DYNC2I1: variants seen among roughly 807,000 people sequenced by gnomAD.
The protein encoded by DYNC2I1 is cytoplasmic dynein 2 intermediate chain 1.
In DYNC2I1, 89 loss-of-function variants were observed where a neutral mutation model predicts 133.4. The ratio of observed to expected loss-of-function variants is 0.67; its 90% CI spans 0.56 to 0.80. The LOEUF (loss-of-function observed/expected upper bound fraction) is 0.80. Among genes scored for constraint, DYNC2I1 ranks in the 30% least tolerant of loss-of-function variants. The probability of loss-of-function intolerance (pLI) is 0.00; values close to 1 mark genes in which losing one functional copy is unlikely to be tolerated. For missense variants in DYNC2I1, 1,291 were observed against 1,314.5 expected, an observed-to-expected ratio of 0.98 and a Z score of 0.28; for synonymous variants, 504 against 484.3, an observed-to-expected ratio of 1.04 and a Z score of -0.54.
chr7:158,915,010 C>G (rs1338422415), intron 14 of DYNC2I1, among the ~76,000 whole-genome samples: 1 of 152,240 alleles, frequency 6.6e-6, no homozygotes, highest in Non-Finnish European at 1.5e-5. Flanking sequence ...GCACTTGAGT[C>G]TACTGCAGCA....
At chr7:158,928,835 C>T (rs62476513) in intron 20 of DYNC2I1, among the ~76,000 whole-genome samples, 4 of 152,124 alleles carry the variant, frequency 2.6e-5, no homozygotes, top group Non-Finnish European at 5.9e-5. Context: ...ATGCCCAGAA[C>T]TCTTGTGACC....
chr7:158,886,039 T>C (rs2129480446), intron 6 of DYNC2I1, among the ~76,000 whole-genome samples: 1 of 148,712 alleles, frequency 6.7e-6, no homozygotes, highest in South Asian at 2.1e-4. Flanking sequence ...TTACATATTA[T>C]ATAACATATT....
intron 8 of DYNC2I1, among the ~76,000 whole-genome samples, chr7:158,895,393 A>G (rs1263871937): frequency 3.3e-5 from 5 of 152,222 alleles, no homozygotes; most frequent in East Asian, 1.9e-4. Flanking sequence ...TGTGGAGACT[A>G]TCATTCATTC....
At chr7:158,846,439 A>G in the DYNC2I1 span, among the ~76,000 whole-genome samples, 19,402 of 152,154 alleles carry the variant, frequency 0.13, 1,644 homozygotes, top group East Asian at 0.44. Flanking sequence ...TTCAAGAAAG[A>G]GGGATATTTA....
chr7:158,860,623 CTA>C (rs1192955624), intron 1 of DYNC2I1, among the ~76,000 whole-genome samples: 2 of 152,008 alleles, frequency 1.3e-5, no homozygotes, highest in African/African-American at 2.4e-5. Context: ...ATGTGTATGA[CTA>C]TTAATTTTTA....
intron 2 of DYNC2I1, among the ~76,000 whole-genome samples, chr7:158,870,938 G>A (rs1842820501): frequency 6.6e-6 from 1 of 152,190 alleles, no homozygotes; most frequent in South Asian, 2.1e-4. Flanking sequence ...AGAAATCTAA[G>A]CTTGACTCCA....
chr7:158,944,357 A>G (rs572887909), intron 24 of DYNC2I1, among the ~76,000 whole-genome samples: 9 of 152,258 alleles, frequency 5.9e-5, no homozygotes, highest in African/African-American at 2.2e-4. Flanking sequence ...GTGTTTGCAC[A>G]TCTGCCGTAG....
the DYNC2I1 span, among the ~76,000 whole-genome samples, chr7:158,842,517 C>T: frequency 1.3e-5 from 2 of 152,218 alleles, no homozygotes; most frequent in African/African-American, 4.8e-5. Flanking sequence ...CTGCAGTCTC[C>T]TCATACACTT....
intron 4 of DYNC2I1, among the ~76,000 whole-genome samples, chr7:158,955,555 C>T (rs569861986): frequency 1.1e-4 from 16 of 152,234 alleles, no homozygotes; most frequent in Admixed American, 7.9e-4. Flanking sequence ...AGATTTTGTG[C>T]TAAGAGCCAG....
At chr7:158,858,989 C>G (rs1233590772) in intron 1 of DYNC2I1, among the ~76,000 whole-genome samples, 1 of 87,844 alleles carries the variant, frequency 1.1e-5, no homozygotes, top group African/African-American at 4.6e-5. Context: ...TCCCCTCCCC[C>G]CCTTTCCTTT....
chr7:158,916,688 T>G (rs1467604107), intron 14 of DYNC2I1, among the ~76,000 whole-genome samples: 1 of 73,714 alleles, frequency 1.4e-5, no homozygotes, highest in Non-Finnish European at 3.2e-5. Context: ...TGGTTGAGAT[T>G]AAGGATGATT....
intron 21 of DYNC2I1, among the ~76,000 whole-genome samples, chr7:158,932,916 G>A (rs1302344101): frequency 2.0e-5 from 3 of 152,192 alleles, no homozygotes; most frequent in Non-Finnish European, 4.4e-5. Flanking sequence ...TGGTGACTGG[G>A]CACCACTTGC....
intron 4 of DYNC2I1, among the ~76,000 whole-genome samples, chr7:158,877,063 A>T (rs925388467): frequency 6.6e-5 from 10 of 152,252 alleles, no homozygotes; most frequent in African/African-American, 2.2e-4. Context: ...TAAGTTGTTT[A>T]AACGGAACAC....
chr7:158,883,954 G>A (rs1304118444), intron 5 of DYNC2I1, among the ~76,000 whole-genome samples: 2 of 151,456 alleles, frequency 1.3e-5, no homozygotes, highest in Non-Finnish European at 2.9e-5. Context: ...GTGAGCCACC[G>A]CGCCCGGCCC....
intron 1 of DYNC2I1, among the ~76,000 whole-genome samples, chr7:158,865,803 C>T (rs1725390460): frequency 6.6e-6 from 1 of 152,152 alleles, no homozygotes; most frequent in South Asian, 2.1e-4. Context: ...AAGGCCTTGG[C>T]AGAAGCATGT....
chr7:158,881,984 C>T (rs950312313), intron 5 of DYNC2I1, among the ~76,000 whole-genome samples: 7 of 152,134 alleles, frequency 4.6e-5, no homozygotes, highest in African/African-American at 1.7e-4. Context: ...TGCTTAGTTC[C>T]ACCCAGAAAT....
chr7:158,839,993 T>C, the DYNC2I1 span, among the ~76,000 whole-genome samples: 1 of 150,466 alleles, frequency 6.6e-6, no homozygotes, highest in South Asian at 2.1e-4. Context: ...AAAAAAAAAA[T>C]TTAGTGGATA....
intron 14 of DYNC2I1, among the ~76,000 whole-genome samples, chr7:158,917,207 G>A (rs1321969559): frequency 1.4e-5 from 2 of 143,654 alleles, no homozygotes; most frequent in African/African-American, 2.7e-5. Flanking sequence ...ACGTCGACAC[G>A]CTGGTTGAGA....
intron 19 of DYNC2I1, among the ~76,000 whole-genome samples, chr7:158,926,738 G>A (rs900727384): frequency 2.0e-4 from 31 of 152,230 alleles, no homozygotes; most frequent in African/African-American, 7.0e-4. Flanking sequence ...CTGAGGTGAT[G>A]CTGGATTGGC....
Sources: gnomAD v4.1 joint callset for allele counts (sites outside exome capture counted in the v4.1 genomes callset) on GRCh38, gnomAD v4.1.1 for gene constraint, MANE v1.5 for transcripts, NCBI Gene and HGNC (gene_info 2026-07-23, HGNC 2026-07-21) for gene names.